The following UBR3 variants were observed in gnomAD, a reference collection of about 807,000 sequenced individuals.
UBR3 encodes the protein ubiquitin protein ligase E3 component n-recognin 3.
Under a neutral mutation model 243.2 loss-of-function variants are expected in UBR3, and 85 were observed. The ratio of observed to expected loss-of-function variants is 0.35; its 90% confidence interval spans 0.29 to 0.42. UBR3 has a LOEUF of 0.42. Ranked by LOEUF, UBR3 falls within the 10% of genes least tolerant of loss-of-function variation. UBR3 has a pLI of 1.00. For synonymous variants in UBR3, 748 were observed against 799.8 expected (o/e 0.94, Z 1.09); for missense variants, 1,686 against 2,300.8 (o/e 0.73, Z 5.47).
intron 18 of UBR3, 104 bp from the exon 19 acceptor site, chr2:169,932,808 G>T: frequency 3.1e-6 from 3 of 972,454 alleles, no homozygotes; most frequent in Non-Finnish European, 4.5e-6. Context: ...AGATTAAATT[G>T]TTCTGTGTTT....
intron 33 of UBR3, among the ~76,000 whole-genome samples, chr2:170,057,694 ATTG>A (rs1440455187): frequency 1.3e-5 from 2 of 152,244 alleles, no homozygotes; most frequent in Non-Finnish European, 1.5e-5. Context: ...GAACCTCGTA[ATTG>A]TTAGTTATTT....
intron 27 of UBR3, among the ~76,000 whole-genome samples, chr2:170,003,078 T>A (rs2089773698): frequency 6.6e-6 from 1 of 152,196 alleles, no homozygotes; most frequent in African/African-American, 2.4e-5. Context: ...TTCAGTCCCT[T>A]ACCAAAATTC....
chr2:169,918,966 A>C (rs2085576907), intron 11 of UBR3, among the ~76,000 whole-genome samples: 1 of 152,206 alleles, frequency 6.6e-6, no homozygotes, highest in Admixed American at 6.5e-5. Context: ...GCTATGTGGG[A>C]CCATAAAAGG....
At chr2:169,937,267 G>A (rs1056466432) in intron 19 of UBR3, among the ~76,000 whole-genome samples, 11 of 152,166 alleles carry the variant, frequency 7.2e-5, no homozygotes, top group Non-Finnish European at 1.5e-4. Context: ...GTGATGATGA[G>A]CATTTTTTCA....
chr2:170,071,965 C>CTGTT (rs2091707154), intron 35 of UBR3, among the ~76,000 whole-genome samples: 1 of 152,132 alleles, frequency 6.6e-6, no homozygotes, highest in African/African-American at 2.4e-5. Flanking sequence ...CACTTTTACA[C>CTGTT]TGTTGGTGGG....
At chr2:170,081,055 T>C (rs2091896409) in intron 38 of UBR3, among the ~76,000 whole-genome samples, 1 of 151,898 alleles carries the variant, frequency 6.6e-6, no homozygotes, top group Admixed American at 6.6e-5. Flanking sequence ...AAGCCAGGTG[T>C]GGTGGTCATA....
At chr2:169,976,618 A>T (rs73975717) in intron 24 of UBR3, among the ~76,000 whole-genome samples, 3,311 of 152,218 alleles carry the variant, frequency 0.022, 113 homozygotes, top group African/African-American at 0.075. Context: ...TTTGCTGAGA[A>T]ATCTGTTCTT....
intron 1 of UBR3, among the ~76,000 whole-genome samples, chr2:169,842,067 G>C (rs1021912464): frequency 4.1e-4 from 63 of 152,272 alleles, no homozygotes; most frequent in African/African-American, 1.4e-3. Context: ...TCAGCACTCT[G>C]TGTTTAGCTC....
chr2:169,861,889 T>G (rs1470684992), intron 1 of UBR3, among the ~76,000 whole-genome samples: 2 of 152,204 alleles, frequency 1.3e-5, no homozygotes, highest in African/African-American at 4.8e-5. Flanking sequence ...TATCAAGGTA[T>G]AAGATGTGAG....
At chr2:169,948,969 T>C (rs1040672138) in intron 22 of UBR3, among the ~76,000 whole-genome samples, 1 of 151,374 alleles carries the variant, frequency 6.6e-6, no homozygotes, top group Non-Finnish European at 1.5e-5. Flanking sequence ...CAAAAACAAA[T>C]CAAAAACAAA....
intron 25 of UBR3, among the ~76,000 whole-genome samples, chr2:169,991,477 C>CA (rs920946138): frequency 4.1e-4 from 62 of 152,112 alleles, no homozygotes; most frequent in African/African-American, 1.4e-3. Context: ...TGAAATTATT[C>CA]AAAAAATTGT....
intron 22 of UBR3, among the ~76,000 whole-genome samples, chr2:169,949,182 A>G (rs542693123): frequency 1.3e-5 from 2 of 152,204 alleles, no homozygotes; most frequent in South Asian, 4.1e-4. Context: ...ATTTTTTTAA[A>G]AACTAATTTA....
intron 35 of UBR3, among the ~76,000 whole-genome samples, chr2:170,067,891 C>A (rs974193787): frequency 6.6e-6 from 1 of 151,570 alleles, no homozygotes; most frequent in Non-Finnish European, 1.5e-5. Context: ...CCCTCAGCCT[C>A]CTGAATAGCT....
chr2:170,075,202 TAA>T (rs914101065), intron 36 of UBR3, among the ~76,000 whole-genome samples: 1 of 151,846 alleles, frequency 6.6e-6, no homozygotes, highest in Non-Finnish European at 1.5e-5. Flanking sequence ...ACCCTTTTTT[TAA>T]AAAAAAAGGG....
chr2:169,827,612 CA>C lies in UBR3; in HGVS notation c.107del (p.Lys36ArgfsTer24). ...ACAAGGCGGCCACCGCCGCGCACCT[CA>C]AGGCGGCCCTCAGCCGGCCGGACAA... is the stretch of plus-strand genomic sequence containing the variant. ...LDKAATAAHL[K>X]AALSRPDNRA... is the part of the protein sequence containing the mutation. On this transcript the variant is annotated frameshift_variant, in exon 1 of 39. Transcript: ENST00000272793. LOFTEE classifies it high-confidence loss of function. The C allele has an allele frequency of 7.9e-7, 1 of 1,269,578 alleles. No homozygotes were observed. Among genetic ancestry groups the C allele is most frequent in the Non-Finnish European group, 9.9e-7 (1 of 1,007,948 alleles). The allele number at this position is 1,269,578 out of a possible 1,614,324, so 78.6% of individuals were successfully genotyped here. A position where few individuals can be genotyped will look rare whatever the true frequency, so the allele number is the denominator to read the frequency against.
At chr2:169,828,142 G>T in intron 1 of UBR3, 90 bp downstream of exon 1, 1 of 1,309,558 alleles carries the variant, frequency 7.6e-7, no homozygotes, top group Non-Finnish European at 9.7e-7. Flanking sequence ...CCCACTCTGA[G>T]CTGTCAAGGG....
At chr2:170,047,192 TCG>T (rs113879383) in intron 32 of UBR3, among the ~76,000 whole-genome samples, 120,278 of 150,320 alleles carry the variant, frequency 0.8, 49,797 homozygotes, top group South Asian at 0.91. Flanking sequence ...GGTGGCGGTG[TCG>T]GGGGGGGGGT....
At chr2:169,835,993 G>GTCTCTCTCTCTC (rs577838877) in intron 1 of UBR3, among the ~76,000 whole-genome samples, 1 of 30,738 alleles carries the variant, frequency 3.3e-5, no homozygotes, top group African/African-American at 1.1e-4. Flanking sequence ...TGTGTGCACT[G>GTCTCTCTCTCTC]TCTCTCTCTC....
chr2:170,054,702 A>G (rs2091295620), intron 32 of UBR3, among the ~76,000 whole-genome samples: 1 of 152,140 alleles, frequency 6.6e-6, no homozygotes, highest in Admixed American at 6.5e-5. Context: ...ATTTTTTTTA[A>G]CTTTGTAAGA....
Sources: gnomAD v4.1 joint callset for allele counts (sites outside exome capture counted in the v4.1 genomes callset) on GRCh38, gnomAD v4.1.1 for gene constraint, MANE v1.5 for transcripts, NCBI Gene and HGNC (gene_info 2026-07-23, HGNC 2026-07-21) for gene names.